The following ADCK1 variants were observed in gnomAD, a reference collection of about 807,000 sequenced individuals.
The protein encoded by ADCK1 is aarF domain containing kinase 1, also known as aarF domain-containing protein kinase 1.
ADCK1 carries 41 observed loss-of-function variants against 52.3 expected under a neutral mutation model. That is an observed-to-expected ratio of 0.78 (90% CI 0.61 to 1.02). The LOEUF (loss-of-function observed/expected upper bound fraction) is 1.02, where lower values mean the gene tolerates loss of function less well. ADCK1 is among the 50% of genes least tolerant of loss of function. The probability of loss-of-function intolerance (pLI) is 0.00; values close to 1 mark genes in which losing one functional copy is unlikely to be tolerated. For missense variants in ADCK1, 658 were observed against 679.5 expected (o/e 0.97, Z 0.35); for synonymous variants, 250 against 274.6 (o/e 0.91, Z 0.89).
chr14:77,822,123 A>G (rs963114605), intron 2 of ADCK1, among the ~76,000 whole-genome samples: 6 of 152,168 alleles, frequency 3.9e-5, no homozygotes, highest in Non-Finnish European at 4.4e-5. Flanking sequence ...ATAGGAAGAG[A>G]CAGTTCATAA....
chr14:77,850,706 A>G (rs1055508238), intron 3 of ADCK1, among the ~76,000 whole-genome samples: 3 of 140,178 alleles, frequency 2.1e-5, no homozygotes, highest in Admixed American at 1.5e-4. Flanking sequence ...GCTGGAGTGC[A>G]GTGGCGCAAT....
chr14:77,905,213 A>G (rs1239248705), intron 6 of ADCK1, among the ~76,000 whole-genome samples: 2 of 151,774 alleles, frequency 1.3e-5, no homozygotes, highest in South Asian at 2.1e-4. Context: ...AAAAGGGGGA[A>G]ACCGCAGTAC....
At chr14:77,852,707 C>T in intron 3 of ADCK1, among the ~76,000 whole-genome samples, 1 of 89,618 alleles carries the variant, frequency 1.1e-5, no homozygotes. Flanking sequence ...ATATATATTT[C>T]ACTCCTCATC....
intron 1 of ADCK1, among the ~76,000 whole-genome samples, chr14:77,817,146 G>T (rs987808603): frequency 1.6e-4 from 24 of 152,160 alleles, no homozygotes; most frequent in Admixed American, 1.4e-3. Context: ...GGAGGCTGAG[G>T]CAGGAGAAAC....
At chr14:77,903,015 A>C (rs1040357077) in intron 6 of ADCK1, among the ~76,000 whole-genome samples, 4 of 152,270 alleles carry the variant, frequency 2.6e-5, no homozygotes, top group African/African-American at 9.6e-5. Context: ...TGAGCCAGAC[A>C]GAACCATCTC....
intron 7 of ADCK1, chr14:77,914,456 A>G: frequency 1.0e-6 from 1 of 985,344 alleles, no homozygotes; most frequent in South Asian, 4.7e-5. Context: ...AAAAGGTCTC[A>G]CATTTGCTTT....
intron 7 of ADCK1, among the ~76,000 whole-genome samples, chr14:77,922,914 C>T (rs1330840010): frequency 2.6e-5 from 4 of 152,092 alleles, no homozygotes; most frequent in East Asian, 1.9e-4. Flanking sequence ...GAATAAACAT[C>T]GAGGCAGGAA....
chr14:77,889,580 C>G lies in ADCK1; in HGVS notation c.582+2331C>G, dbSNP rs572978884. On this transcript the variant is annotated intron_variant, in intron 5 of 10. Coordinates refer to ENST00000238561, the MANE Select transcript of ADCK1 (RefSeq NM_020421.4). The stretch of plus-strand genomic sequence containing the variant: ...AGAGTTTCCATCTCCTCTTGCCCCC[C>G]CAGTATGCCAGTATCCCTCAGTGTT... 5.3e-5 allele frequency among the ~76,000 whole-genome samples: 8 copies of G among 152,310 alleles called. No individual in the cohort carries two copies. In the South Asian group the frequency reaches 1.2e-3, roughly 24 times the overall value.
chr14:77,926,882 C>T (rs1269137064), intron 9 of ADCK1, among the ~76,000 whole-genome samples: 2 of 152,126 alleles, frequency 1.3e-5, no homozygotes, highest in Admixed American at 6.5e-5. Flanking sequence ...GGGCTCCCTT[C>T]CAGGGGGCTT....
intron 4 of ADCK1, among the ~76,000 whole-genome samples, chr14:77,865,323 A>G (rs1234703036): frequency 3.3e-5 from 5 of 152,084 alleles, no homozygotes; most frequent in Non-Finnish European, 7.4e-5. Flanking sequence ...CTACTAAAAA[A>G]AATACAAAAT....
intron 3 of ADCK1, among the ~76,000 whole-genome samples, chr14:77,844,898 G>A (rs963039207): frequency 2.6e-5 from 4 of 152,212 alleles, no homozygotes; most frequent in Non-Finnish European, 4.4e-5. Context: ...TTGGAGAATA[G>A]GCAAGTCGTC....
Position 77,819,043 on chromosome 14 carries a change from A to G in ADCK1, c.65A>G (p.Tyr22Cys), listed in dbSNP as rs375700586. 2.5e-6 allele frequency: 4 copies of G among 1,614,146 alleles called. No individual in the cohort carries two copies. The African/African-American group carries it at 4.0e-5, about 16-fold the overall frequency. ...TSMALAASGI[Y>C]FYSNKYLDPN... ...ATGGCTCTTGCTGCCTCTGGCATCT[A>G]CTTCTACAGTAACAAGTACTTGGAC... is the stretch of plus-strand genomic sequence containing the variant. Residue 22 changes from tyrosine to cysteine, a missense_variant, in exon 2 of 11, where the codon TAC becomes TGC. Transcript: ENST00000238561.
intron 3 of ADCK1, among the ~76,000 whole-genome samples, chr14:77,824,080 G>A (rs993076485): frequency 6.6e-6 from 1 of 151,664 alleles, no homozygotes; most frequent in Non-Finnish European, 1.5e-5. Context: ...TGTGTTTTTA[G>A]TAGAGACAGG....
At chr14:77,843,827 A>G (rs368888713) in intron 3 of ADCK1, among the ~76,000 whole-genome samples, 210 of 152,290 alleles carry the variant, frequency 1.4e-3, no homozygotes, top group African/African-American at 4.9e-3. Context: ...ATTAAAATGC[A>G]AGTATCCTTG....
chr14:77,890,670 C>T (rs1311899633), intron 5 of ADCK1, among the ~76,000 whole-genome samples: 6 of 152,142 alleles, frequency 3.9e-5, no homozygotes, highest in Middle Eastern at 3.2e-3. Context: ...CAGTAAAGCA[C>T]TGGAAAGGGT....
chr14:77,826,554 A>C (rs1036101883), intron 3 of ADCK1, among the ~76,000 whole-genome samples: 8 of 152,162 alleles, frequency 5.3e-5, no homozygotes, highest in South Asian at 2.1e-4. Flanking sequence ...GGAGAACCAG[A>C]TCCCTGGTGT....
At chr14:77,886,368 G>A (rs149757664) in intron 4 of ADCK1, among the ~76,000 whole-genome samples, 7 of 152,346 alleles carry the variant, frequency 4.6e-5, no homozygotes, top group Admixed American at 4.6e-4. Flanking sequence ...GGGCTGCCCC[G>A]GGCCCACATT....
intron 9 of ADCK1, among the ~76,000 whole-genome samples, 200 bp from the exon 10 acceptor site, chr14:77,931,318 C>T (rs188392909): frequency 1.4e-3 from 218 of 152,336 alleles, no homozygotes; most frequent in Non-Finnish European, 2.5e-3. Context: ...ATATCCCCTT[C>T]CGGGTTTGTC....
In ADCK1 at chr14:77,887,160, G is replaced by T; in HGVS notation, c.493G>T (p.Ala165Ser). 6.2e-7 allele frequency: 1 copy of T among 1,610,542 alleles called. No individual in the cohort carries two copies. Among genetic ancestry groups the T allele is most frequent in the Non-Finnish European group, 8.5e-7 (1 of 1,178,324 alleles). The change falls in exon 5 of 11, where the codon GCA (alanine) becomes TCA (serine). Residue 165 changes from alanine (A) to serine (S), a missense_variant. By Grantham distance (99) the Ala-to-Ser change is moderately conservative. Coordinates refer to ENST00000238561, the MANE Select transcript of ADCK1 (RefSeq NM_020421.4). ...GGCCTCCCTGGCCCAGGTCCACAAG[G>T]CAGTGCTGCATGATGGGCGGACGGT... ...GTASLAQVHK[A>S]VLHDGRTVAV...
Sources: gnomAD v4.1 joint callset for allele counts (sites outside exome capture counted in the v4.1 genomes callset) on GRCh38, gnomAD v4.1.1 for gene constraint, MANE v1.5 for transcripts, NCBI Gene and HGNC (gene_info 2026-07-23, HGNC 2026-07-21) for gene names.